The following ZDHHC14 variants were observed in gnomAD, a reference collection of about 807,000 sequenced individuals.
The protein encoded by ZDHHC14 is zDHHC palmitoyltransferase 14, also known as palmitoyltransferase ZDHHC14.
In ZDHHC14, 16 loss-of-function variants were observed where a neutral mutation model predicts 47.7. That is an observed-to-expected ratio of 0.34 (90% CI 0.23 to 0.51). ZDHHC14 has a LOEUF of 0.51. ZDHHC14 is among the 20% of genes least tolerant of loss of function. The pLI is 0.97. For missense variants in ZDHHC14, 515 were observed against 662.5 expected (o/e 0.78, Z 2.44); for synonymous variants, 293 against 278.9 (o/e 1.05, Z -0.50).
intron 8 of ZDHHC14, among the ~76,000 whole-genome samples, chr6:157,659,911 C>CTTCA (rs1778272693): frequency 6.6e-6 from 1 of 152,216 alleles, no homozygotes; most frequent in Non-Finnish European, 1.5e-5. Context: ...GCAAGCTGAA[C>CTTCA]TTCAAGCCAT....
intron 1 of ZDHHC14, among the ~76,000 whole-genome samples, chr6:157,424,449 G>A (rs1778175657): frequency 6.6e-6 from 1 of 152,178 alleles, no homozygotes; most frequent in Non-Finnish European, 1.5e-5. Context: ...TGAATCAAAA[G>A]GGGGACTGAC....
intron 8 of ZDHHC14, among the ~76,000 whole-genome samples, chr6:157,665,253 G>T (rs977115626): frequency 6.6e-6 from 1 of 152,160 alleles, no homozygotes; most frequent in African/African-American, 2.4e-5. Context: ...GAGAAGCTTT[G>T]TCTCTATAAT....
intron 3 of ZDHHC14, among the ~76,000 whole-genome samples, chr6:157,608,662 G>A (rs368919644): frequency 6.6e-6 from 1 of 152,222 alleles, no homozygotes; most frequent in Non-Finnish European, 1.5e-5. Flanking sequence ...AGAGAGGGCT[G>A]CAACAGGCCA....
intron 1 of ZDHHC14, among the ~76,000 whole-genome samples, chr6:157,516,367 T>C (rs1780693512): frequency 6.6e-6 from 1 of 152,152 alleles, no homozygotes; most frequent in Non-Finnish European, 1.5e-5. Flanking sequence ...TCTCCTAAGG[T>C]AATTTTATCT....
chr6:157,421,702 C>T (rs998968687), intron 1 of ZDHHC14, among the ~76,000 whole-genome samples: 1 of 151,718 alleles, frequency 6.6e-6, no homozygotes, highest in Non-Finnish European at 1.5e-5. Flanking sequence ...CCGCCTCCTG[C>T]GTTCAAGCAA....
chr6:157,639,781 G>A (rs1052078542), intron 5 of ZDHHC14, among the ~76,000 whole-genome samples: 2 of 152,174 alleles, frequency 1.3e-5, no homozygotes, highest in Non-Finnish European at 2.9e-5. Context: ...AAGAGTGCCT[G>A]GGGGAAAGGG....
At chr6:157,578,522 T>C (rs1179763219) in intron 2 of ZDHHC14, among the ~76,000 whole-genome samples, 6 of 152,172 alleles carry the variant, frequency 3.9e-5, no homozygotes, top group Non-Finnish European at 8.8e-5. Context: ...ATTTCTGGGA[T>C]CTCTATTCTG....
intron 1 of ZDHHC14, among the ~76,000 whole-genome samples, chr6:157,391,711 T>C (rs1266682030): frequency 1.3e-5 from 2 of 152,224 alleles, no homozygotes; most frequent in Non-Finnish European, 2.9e-5. Context: ...TTGGCCTTTT[T>C]TCTCTTGGGA....
chr6:157,437,405 C>T (rs1464047152), intron 1 of ZDHHC14, among the ~76,000 whole-genome samples: 2 of 152,208 alleles, frequency 1.3e-5, no homozygotes, highest in South Asian at 2.1e-4. Flanking sequence ...GCTGTGCTCC[C>T]GAGTGTCCCG....
At chr6:157,584,437 T>G (rs1783618893) in intron 2 of ZDHHC14, among the ~76,000 whole-genome samples, 1 of 152,186 alleles carries the variant, frequency 6.6e-6, no homozygotes, top group Non-Finnish European at 1.5e-5. Context: ...AATTTGGGAT[T>G]TTTCCTTTTG....
intron 1 of ZDHHC14, among the ~76,000 whole-genome samples, chr6:157,428,242 A>G (rs1279271022): frequency 6.6e-6 from 1 of 152,122 alleles, no homozygotes; most frequent in Non-Finnish European, 1.5e-5. Flanking sequence ...CACACACACC[A>G]CAGAGACCCT....
chr6:157,482,260 C>CTTTTTTTT (rs1231434907), intron 1 of ZDHHC14, among the ~76,000 whole-genome samples: 2 of 127,548 alleles, frequency 1.6e-5, no homozygotes, highest in Admixed American at 8.3e-5. Flanking sequence ...CTTTTCTTTT[C>CTTTTTTTT]TTTTTTTTTT....
At chr6:157,484,669 A>G (rs1455081671) in intron 1 of ZDHHC14, among the ~76,000 whole-genome samples, 1 of 151,836 alleles carries the variant, frequency 6.6e-6, no homozygotes, top group Non-Finnish European at 1.5e-5. Context: ...CAGCATTTAC[A>G]CTGCAATTAC....
chr6:157,653,230 A>T (rs890552874), intron 7 of ZDHHC14, among the ~76,000 whole-genome samples: 3 of 152,194 alleles, frequency 2.0e-5, no homozygotes, highest in Admixed American at 6.5e-5. Flanking sequence ...GGTGGGGGTG[A>T]GACCAGCTTA....
intron 1 of ZDHHC14, among the ~76,000 whole-genome samples, chr6:157,529,634 G>A (rs1781293514): frequency 1.3e-5 from 2 of 152,200 alleles, no homozygotes; most frequent in African/African-American, 4.8e-5. Context: ...CTTCTCCCCA[G>A]ACTGGACAAG....
intron 3 of ZDHHC14, among the ~76,000 whole-genome samples, chr6:157,595,135 G>A (rs190584977): frequency 8.3e-6 from 1 of 120,374 alleles, no homozygotes; most frequent in African/African-American, 3.3e-5. Flanking sequence ...CACCCAATTT[G>A]TCCACTCATT....
intron 1 of ZDHHC14, among the ~76,000 whole-genome samples, chr6:157,488,171 T>A (rs930878513): frequency 6.6e-6 from 1 of 152,170 alleles, no homozygotes; most frequent in African/African-American, 2.4e-5. Flanking sequence ...AGCCAGACCT[T>A]GCCTGGCATT....
intron 1 of ZDHHC14, among the ~76,000 whole-genome samples, chr6:157,386,887 TA>T (rs2114730788): frequency 1.3e-5 from 2 of 152,292 alleles, no homozygotes; most frequent in South Asian, 4.1e-4. Flanking sequence ...ATTTTTAAAA[TA>T]AAAAATCTTT....
chr6:157,623,733 A>G (rs964776182), intron 3 of ZDHHC14, among the ~76,000 whole-genome samples: 2 of 151,948 alleles, frequency 1.3e-5, no homozygotes, highest in Non-Finnish European at 2.9e-5. Context: ...TATTTTTAGT[A>G]GAGACGGGGT....
Sources: allele counts gnomAD v4.1 joint callset (sites outside exome capture counted in the v4.1 genomes callset), GRCh38; gene constraint gnomAD v4.1.1; transcripts MANE v1.5; gene names NCBI Gene and HGNC (gene_info 2026-07-23, HGNC 2026-07-21).